GPHN: variants seen among roughly 807,000 people sequenced by gnomAD.
The protein encoded by GPHN is gephyrin.
Under a neutral mutation model 95.5 loss-of-function variants are expected in GPHN, and 17 were observed. The observed-to-expected ratio is 0.18, with a 90% CI of 0.12 to 0.27. GPHN has a LOEUF of 0.27. Among genes scored for constraint, GPHN ranks in the 10% least tolerant of loss-of-function variants. GPHN has a pLI of 1.00. For missense variants in GPHN, 660 were observed against 978.1 expected (o/e 0.67, Z 4.34); for synonymous variants, 320 against 322.5 (o/e 0.99, Z 0.08).
chr14:67,034,418 C>T (rs767589426), intron 10 of GPHN, among the ~76,000 whole-genome samples: 5 of 151,916 alleles, frequency 3.3e-5, no homozygotes, highest in African/African-American at 4.8e-5. Context: ...AGCTACAAGA[C>T]GGACAGAAAA....
intron 9 of GPHN, among the ~76,000 whole-genome samples, chr14:67,019,531 G>C (rs939242544): frequency 6.6e-6 from 1 of 152,070 alleles, no homozygotes; most frequent in Non-Finnish European, 1.5e-5. Flanking sequence ...TTTTGAAATC[G>C]GATTTGTGTT....
chr14:67,371,543 A>T, the GPHN span, among the ~76,000 whole-genome samples: 2 of 152,222 alleles, frequency 1.3e-5, no homozygotes, highest in African/African-American at 4.8e-5. Flanking sequence ...TGCTGCTTAC[A>T]TAGACCTTAT....
At chr14:66,706,512 A>G (rs1050154251) in intron 2 of GPHN, among the ~76,000 whole-genome samples, 4 of 152,156 alleles carry the variant, frequency 2.6e-5, no homozygotes, top group African/African-American at 9.7e-5. Flanking sequence ...AACACCACAC[A>G]TCTGCAACCA....
chr14:66,675,132 A>G (rs538650372), intron 1 of GPHN, among the ~76,000 whole-genome samples: 1 of 143,884 alleles, frequency 7.0e-6, no homozygotes, highest in Non-Finnish European at 1.5e-5. Context: ...ATGTCTATTC[A>G]GATTCTTTTT....
chr14:67,284,601 A>G, the GPHN span, among the ~76,000 whole-genome samples: 1 of 144,388 alleles, frequency 6.9e-6, no homozygotes, highest in Non-Finnish European at 1.5e-5. Flanking sequence ...TTGTGCAATC[A>G]TCACTACTAT....
At chr14:66,840,106 C>T (rs2062016075) in intron 4 of GPHN, among the ~76,000 whole-genome samples, 1 of 151,874 alleles carries the variant, frequency 6.6e-6, no homozygotes, top group African/African-American at 2.4e-5. Flanking sequence ...CGGTGAAACC[C>T]CGTCTCTACT....
At chr14:66,970,285 G>T (rs993653541) in intron 9 of GPHN, among the ~76,000 whole-genome samples, 2 of 151,894 alleles carry the variant, frequency 1.3e-5, no homozygotes, top group African/African-American at 2.4e-5. Flanking sequence ...TTCTTTGTAG[G>T]TTTCTCTTAC....
chr14:66,833,415 A>G (rs112242746), intron 4 of GPHN, among the ~76,000 whole-genome samples: 2,378 of 152,214 alleles, frequency 0.016, 32 homozygotes, highest in Non-Finnish European at 0.018. Context: ...TTACACATAG[A>G]GATTATGGGA....
chr14:66,598,832 C>G (rs1469346547), intron 1 of GPHN, among the ~76,000 whole-genome samples: 1 of 134,708 alleles, frequency 7.4e-6, no homozygotes, highest in Non-Finnish European at 1.5e-5. Flanking sequence ...GAGTGAGACT[C>G]TGTCTCAAAA....
At chr14:67,243,303 T>C in the GPHN span, among the ~76,000 whole-genome samples, 1 of 150,066 alleles carries the variant, frequency 6.7e-6, no homozygotes, top group African/African-American at 2.5e-5. Flanking sequence ...TCTCCTGCTC[T>C]CAGCCTCCCG....
chr14:66,833,899 CT>C (rs2061684488), intron 4 of GPHN, among the ~76,000 whole-genome samples: 1 of 152,056 alleles, frequency 6.6e-6, no homozygotes, highest in Non-Finnish European at 1.5e-5. Context: ...AAATTACAAA[CT>C]TTATAATAGT....
the GPHN span, among the ~76,000 whole-genome samples, chr14:67,322,750 C>T: frequency 2.1e-5 from 3 of 145,646 alleles, no homozygotes; most frequent in Non-Finnish European, 4.4e-5. Flanking sequence ...AAAGGGCTAA[C>T]AGATTTTAAC....
the GPHN span, chr14:67,385,884 G>C: frequency 3.3e-5 from 5 of 152,082 alleles, no homozygotes; most frequent in African/African-American, 7.2e-5. Flanking sequence ...ATGCTAAGAA[G>C]AACAGTTATT....
intron 1 of GPHN, among the ~76,000 whole-genome samples, chr14:66,650,786 C>G (rs992756978): frequency 2.0e-5 from 3 of 152,148 alleles, no homozygotes; most frequent in African/African-American, 7.2e-5. Context: ...GAAAACGAAA[C>G]TGGTCATTTT....
At chr14:67,523,929 A>C in the GPHN span, among the ~76,000 whole-genome samples, 1 of 47,838 alleles carries the variant, frequency 2.1e-5, no homozygotes, top group African/African-American at 6.2e-5. Context: ...GAGGACAGGG[A>C]GGGAAGAATA....
the GPHN span, among the ~76,000 whole-genome samples, chr14:67,608,589 T>G: frequency 6.6e-6 from 1 of 152,170 alleles, no homozygotes; most frequent in Non-Finnish European, 1.5e-5. Flanking sequence ...TTCTATTGTG[T>G]TTTTTGATGC....
At chr14:67,496,130 AGTGAGCTGAG>A in the GPHN span, among the ~76,000 whole-genome samples, 1 of 152,246 alleles carries the variant, frequency 6.6e-6, no homozygotes, top group Non-Finnish European at 1.5e-5. Context: ...GCAAAGCTGC[AGTGAGCTGAG>A]ATGGTGCCAC....
the GPHN span, chr14:67,202,961 C>A: frequency 1.1e-6 from 1 of 946,664 alleles, no homozygotes; most frequent in Non-Finnish European, 1.5e-6. Flanking sequence ...TTAGCATGAG[C>A]AAGTGAAGGA....
the GPHN span, among the ~76,000 whole-genome samples, chr14:67,468,426 C>T: frequency 4.9e-3 from 754 of 152,328 alleles, 6 homozygotes; most frequent in African/African-American, 0.017. Flanking sequence ...GGCAAGACTA[C>T]AGTCATGTAC....
Sources: allele counts gnomAD v4.1 joint callset (sites outside exome capture counted in the v4.1 genomes callset), GRCh38; gene constraint gnomAD v4.1.1; transcripts MANE v1.5; gene names NCBI Gene and HGNC (gene_info 2026-07-23, HGNC 2026-07-21).